SLC9A8: variants seen among roughly 807,000 people sequenced by gnomAD.
SLC9A8 encodes the protein sodium/hydrogen exchanger 8.
A neutral mutation model predicts 66.6 loss-of-function variants in SLC9A8; 48 were observed. The ratio of observed to expected loss-of-function variants is 0.72; its 90% CI spans 0.57 to 0.92. The LOEUF is 0.92. SLC9A8 is among the 40% of genes least tolerant of loss of function. The pLI, the probability that SLC9A8 is intolerant of heterozygous loss-of-function variation, is 0.00. For missense variants in SLC9A8, 599 were observed against 747.3 expected (o/e 0.80, Z 2.31); for synonymous variants, 274 against 282.6 (o/e 0.97, Z 0.31).
Position 49,834,450 on chromosome 20 carries a change from C to CTG in SLC9A8, c.290-5089_290-5088dup, listed in dbSNP as rs201697802. ...TATATACTGTATATATATATATATA[C>CTG]TGTATATATATATACTGTGTATATA... On this transcript the variant is annotated intron_variant, in intron 3 of 15. Transcript: ENST00000361573. 4.6e-4 allele frequency among the ~76,000 whole-genome samples: 24 copies of CTG among 51,850 alleles called. 1 individual carries two copies. The highest frequency in any genetic ancestry group is 1.0e-3 in the Admixed American group (5 of 4,906). The allele number at this position is 51,850 out of a possible 152,430, so 34.0% of individuals were successfully genotyped here.
rs751442582 is a variant in SLC9A8 at position 49,874,544 on chromosome 20, ATAGTATTTT to A, written c.959-159_959-151del. 1.1e-3 allele frequency among the ~76,000 whole-genome samples: 170 copies of A among 152,242 alleles called. 2 individuals carry two copies. The Middle Eastern group carries it at 0.014, about 12-fold the overall frequency. ...TGAGGCTGCCAGAGCGAAGGGACCC[ATAGTATTTT>A]TTCTGAAGCCTCTGGGAGGCTTCAG... On this transcript the variant is annotated intron_variant, in intron 10 of 15. Coordinates refer to ENST00000361573, the MANE Select transcript of SLC9A8 (RefSeq NM_015266.3).
chr20:49,835,258 A>G (rs1470479746), intron 3 of SLC9A8, among the ~76,000 whole-genome samples: 1 of 151,902 alleles, frequency 6.6e-6, no homozygotes, highest in Non-Finnish European at 1.5e-5. Context: ...ATGTACAAGC[A>G]TGTTCAATGC....
intron 3 of SLC9A8, among the ~76,000 whole-genome samples, chr20:49,834,175 CTCTCTCTCTCTATATATATATA>C (rs1400403120): frequency 1.6e-4 from 9 of 57,924 alleles, no homozygotes; most frequent in African/African-American, 2.1e-4. Context: ...CTCTCTCTCT[CTCTCTCTCTCTATATATATATA>C]TATATATATA....
intron 5 of SLC9A8, among the ~76,000 whole-genome samples, 166 bp from the exon 6 acceptor site, chr20:49,849,413 C>G (rs568569377): frequency 1.3e-5 from 2 of 152,024 alleles, no homozygotes; most frequent in African/African-American, 4.8e-5. Context: ...GCAGTAAGTG[C>G]GGGGGTGCAG....
chr20:49,867,040 G>A (rs972181719), intron 10 of SLC9A8, among the ~76,000 whole-genome samples: 12 of 152,070 alleles, frequency 7.9e-5, no homozygotes, highest in African/African-American at 2.7e-4. Flanking sequence ...ATTTCTGATA[G>A]CTGTTTTAAT....
intron 9 of SLC9A8, 22 bp from the exon 10 acceptor site, chr20:49,864,706 CTCGATTCTCCT>C (rs765677672): frequency 5.0e-5 from 75 of 1,511,724 alleles, no homozygotes; most frequent in Admixed American, 2.8e-4. Flanking sequence ...TCAACTCTCC[CTCGATTCTCCT>C]TCCTTGACAG....
At position 49,834,422 on chromosome 20, in the gene SLC9A8, ATATATATACTG is replaced by A. The variant is rs1568814221; in HGVS notation, c.290-5110_290-5100del. Among the ~76,000 whole-genome samples the A allele has an allele frequency of 1.4e-3, 56 of 39,986 alleles. 3 individuals carry two copies. Among genetic ancestry groups the A allele is most frequent in the African/African-American group, 2.9e-3 (23 of 7,836 alleles). 26.2% of individuals were successfully genotyped at this position (39,986 alleles called of 152,430 possible). A position where few individuals can be genotyped will look rare whatever the true frequency, so the allele number is the denominator to read the frequency against. On this transcript the variant is annotated intron_variant, in intron 3 of 15. Transcript: ENST00000361573. ...TATACTGTGTATATATATATACTGT[ATATATATACTG>A]TATATATATATATATACTGTATATA...
intron 15 of SLC9A8, among the ~76,000 whole-genome samples, 168 bp downstream of exon 15, chr20:49,887,066 G>A (rs1263650739): frequency 2.0e-5 from 3 of 152,152 alleles, no homozygotes; most frequent in South Asian, 2.1e-4. Flanking sequence ...TGTGGAACTC[G>A]GCATCTGCTG....
chr20:49,838,967 T>C (rs1268050392), intron 3 of SLC9A8, among the ~76,000 whole-genome samples: 1 of 152,206 alleles, frequency 6.6e-6, no homozygotes, highest in Non-Finnish European at 1.5e-5. Flanking sequence ...TTGAGAATTA[T>C]TTTTGGTGGC....
chr20:49,880,769 C>CT (rs1264851971), intron 12 of SLC9A8, among the ~76,000 whole-genome samples, 155 bp from the exon 13 acceptor site: 1 of 152,186 alleles, frequency 6.6e-6, no homozygotes, highest in African/African-American at 2.4e-5. Context: ...TGCTGGGTCT[C>CT]TGACGAGCAT....
At chr20:49,849,783 C>A in intron 6 of SLC9A8, 103 bp downstream of exon 6, 1 of 888,182 alleles carries the variant, frequency 1.1e-6, no homozygotes, top group Non-Finnish European at 1.8e-6. Flanking sequence ...GCCTGGGTTT[C>A]ACCCTTAAGG....
In SLC9A8 at chr20:49,864,120, C is replaced by T. The variant is rs149522327; in HGVS notation, c.853-619C>T. 4.2e-3 allele frequency among the ~76,000 whole-genome samples: 644 copies of T among 152,038 alleles called. 3 individuals are homozygous for T. Among genetic ancestry groups the T allele is most frequent in the African/African-American group, 0.015 (622 of 41,454 alleles). On this transcript the variant is annotated intron_variant, in intron 9 of 15. Coordinates refer to ENST00000361573, the MANE Select transcript of SLC9A8 (RefSeq NM_015266.3). ...CAAAATGAAGTGGAGCAAATGGGTA[C>T]TGTGAGCTCCAGTATAGGCATTGTG... is the stretch of plus-strand genomic sequence containing the variant.
chr20:49,879,560 C>T (rs1294931563), intron 12 of SLC9A8, among the ~76,000 whole-genome samples: 1 of 152,222 alleles, frequency 6.6e-6, no homozygotes, highest in East Asian at 1.9e-4. Context: ...CATGGTGGCT[C>T]ACGCCTATAA....
At chr20:49,887,017 G>C (rs544724810) in intron 15 of SLC9A8, 119 bp downstream of exon 15, 1 of 1,138,302 alleles carries the variant, frequency 8.8e-7, no homozygotes, top group African/African-American at 1.6e-5. Flanking sequence ...ACGTGGGCCC[G>C]CCAGGCCGCC....
At chr20:49,819,417 CAT>C (rs919020574) in intron 2 of SLC9A8, among the ~76,000 whole-genome samples, 23 of 152,124 alleles carry the variant, frequency 1.5e-4, no homozygotes, top group Non-Finnish European at 2.8e-4. Context: ...ACAAATAATA[CAT>C]GTTTGGAGTT....
chr20:49,855,366 G>T, intron 7 of SLC9A8, 72 bp from the exon 8 acceptor site: 1 of 1,463,606 alleles, frequency 6.8e-7, no homozygotes, highest in South Asian at 1.2e-5. Context: ...TATGGCCTTT[G>T]ACTTTAATGC....
In SLC9A8 at chr20:49,884,012, C is replaced by T; in HGVS notation, c.1437C>T (p.Ala479=). 6.2e-7 allele frequency: 1 copy of T among 1,613,636 alleles called. No homozygotes were observed. The highest frequency in any genetic ancestry group is 8.5e-7 in the Non-Finnish European group (1 of 1,179,992). The change falls in exon 14 of 16, where the codon GCC becomes GCT. Residue 479 remains alanine (A), a synonymous_variant. Coordinates refer to ENST00000361573, the MANE Select transcript of SLC9A8 (RefSeq NM_015266.3). ...TTCGCCTCATGGACATCGAGGACGC[C>T]AAGGCACACCGCAGGAACAAGAAGG... ...PLIRLMDIED[A]KAHRRNKKDV...
At chr20:49,827,408 A>G (rs1272016822) in intron 3 of SLC9A8, among the ~76,000 whole-genome samples, 8 of 150,946 alleles carry the variant, frequency 5.3e-5, no homozygotes, top group African/African-American at 1.7e-4. Context: ...TTCGAGAACA[A>G]CCTGGCCAAC....
In SLC9A8 at chr20:49,888,127, TG is replaced by T; in HGVS notation, c.*194del. 1 of 527,468 alleles carries T rather than the reference TG, an allele frequency of 1.9e-6. No individual in the cohort carries two copies. Among genetic ancestry groups the T allele is most frequent in the Non-Finnish European group, 3.4e-6 (1 of 292,178 alleles). 32.7% of individuals were successfully genotyped at this position (527,468 alleles called of 1,614,324 possible). A position where few individuals can be genotyped will look rare whatever the true frequency, so the allele number is the denominator to read the frequency against. The stretch of plus-strand genomic sequence containing the variant: ...AGGCCTCTGGAGCCAGGCGACTTCT[TG>T]GGAAACTGTCATCTCCCGACTCCTC... On this transcript the variant is annotated 3_prime_UTR_variant, in exon 16 of 16. Transcript: ENST00000361573.
Sources: allele counts gnomAD v4.1 joint callset (sites outside exome capture counted in the v4.1 genomes callset), GRCh38; gene constraint gnomAD v4.1.1; transcripts MANE v1.5; gene names NCBI Gene and HGNC (gene_info 2026-07-23, HGNC 2026-07-21).